The following DMD variants were observed in gnomAD, a reference collection of about 807,000 sequenced individuals.
DMD encodes dystrophin, also known as mutant dystrophin.
Under a neutral mutation model 330.1 loss-of-function variants are expected in DMD, and 63 were observed. That is an observed-to-expected ratio of 0.19 (90% CI 0.16 to 0.24). DMD has a LOEUF of 0.24. Among genes scored for constraint, DMD ranks in the 10% least tolerant of loss-of-function variants. DMD has a pLI of 1.00. For missense variants in DMD, 3,344 were observed against 2,684.1 expected (o/e 1.25, Z -5.43); for synonymous variants, 1,223 against 959.8 (o/e 1.27, Z -5.07).
At chrX:31,435,445 A>T (rs917034116) in intron 60 of DMD, 5 of 111,878 alleles carry the variant, frequency 4.5e-5, no homozygotes, top group African/African-American at 1.6e-4. Flanking sequence ...GGGAGAGGAC[A>T]ACTTATATCA....
chrX:33,142,085 T>C (rs2047824034), intron 1 of DMD, among the ~76,000 whole-genome samples: 1 of 112,180 alleles, frequency 8.9e-6, no homozygotes, highest in Admixed American at 9.5e-5. Flanking sequence ...TTAAGGCTTT[T>C]ATTTTATTTT....
intron 51 of DMD, among the ~76,000 whole-genome samples, chrX:31,767,009 T>C (rs933950303): frequency 1.8e-5 from 2 of 110,390 alleles, no homozygotes; most frequent in East Asian, 2.8e-4. Flanking sequence ...ACATCCTTCG[T>C]TGAAGATAAT....
At chrX:32,553,172 C>G (rs181389627) in intron 16 of DMD, among the ~76,000 whole-genome samples, 186 of 111,920 alleles carry the variant, frequency 1.7e-3, no homozygotes, top group Non-Finnish European at 2.8e-3. Context: ...AGCCTAAATG[C>G]CCATCAGTGG....
chrX:31,883,672 T>A (rs1484130483), intron 47 of DMD, among the ~76,000 whole-genome samples: 1 of 111,419 alleles, frequency 9.0e-6, no homozygotes, highest in Non-Finnish European at 1.9e-5. Flanking sequence ...ATAAACTGCT[T>A]TTACATAATG....
At chrX:32,663,152 T>A (rs1275125581) in intron 9 of DMD, among the ~76,000 whole-genome samples, 1 of 111,905 alleles carries the variant, frequency 8.9e-6, no homozygotes, top group East Asian at 2.8e-4. Flanking sequence ...CTTGTTTGAT[T>A]TTAGGCTTGC....
At chrX:32,453,609 G>A (rs917261860) in intron 26 of DMD, among the ~76,000 whole-genome samples, 21 of 110,108 alleles carry the variant, frequency 1.9e-4, no homozygotes, top group African/African-American at 6.9e-4. Flanking sequence ...AATGAGTCAT[G>A]GTCATTTATA....
chrX:31,167,727 C>A (rs1167892549), intron 74 of DMD, among the ~76,000 whole-genome samples: 1 of 111,790 alleles, frequency 8.9e-6, no homozygotes, highest in Non-Finnish European at 1.9e-5. Flanking sequence ...ATTAAAACAA[C>A]AAAAAAAGTT....
At chrX:31,698,702 A>AT (rs1349086930) in intron 52 of DMD, among the ~76,000 whole-genome samples, 9 of 111,623 alleles carry the variant, frequency 8.1e-5, no homozygotes, top group Non-Finnish European at 1.5e-4. Context: ...ATGAACGGGC[A>AT]TTTTTTTTCA....
rs967424034 is a variant in DMD at position 32,464,791 on chromosome X, A to G, written c.3163-92T>C. 23 of 644,396 alleles carry G rather than the reference A, an allele frequency of 3.6e-5. 1 individual carries two copies. The East Asian group carries it at 7.7e-4, about 22-fold the overall frequency. 53.1% of individuals were successfully genotyped at this position (644,396 alleles called of 1,213,427 possible). On this transcript the variant is annotated intron_variant, in intron 23 of 78. Coordinates refer to ENST00000357033, the MANE Select transcript of DMD (RefSeq NM_004006.3). ...GTTATGTCTAAACACAGGCCCAAAA[A>G]CAATTCCCATGTTTAAAGGATGTCT...
chrX:32,964,679 G>A (rs1386867081), intron 2 of DMD, among the ~76,000 whole-genome samples: 1 of 111,691 alleles, frequency 9.0e-6, no homozygotes, highest in Admixed American at 9.5e-5. Flanking sequence ...CTGCACTCCA[G>A]CCTGGGTGAC....
intron 9 of DMD, among the ~76,000 whole-genome samples, chrX:32,682,990 C>T (rs2062548116): frequency 9.0e-6 from 1 of 111,352 alleles, no homozygotes. Flanking sequence ...TCACAGTGCA[C>T]ATTGGAATGA....
intron 1 of DMD, among the ~76,000 whole-genome samples, chrX:33,074,238 C>G (rs1168691046): frequency 9.0e-6 from 1 of 111,556 alleles, no homozygotes; most frequent in Non-Finnish European, 1.9e-5. Context: ...ATCTCACTTC[C>G]GATTTCTACA....
At chrX:33,041,562 C>A in intron 1 of DMD, 3 of 1,208,705 alleles carry the variant, frequency 2.5e-6, no homozygotes, top group Non-Finnish European at 1.1e-6. Context: ...AGGCAGAGAT[C>A]CTACAAGAAT....
chrX:32,787,242 GT>G (rs2075443828), intron 7 of DMD, among the ~76,000 whole-genome samples: 1 of 95,153 alleles, frequency 1.1e-5, no homozygotes, highest in Non-Finnish European at 2.2e-5. Context: ...GTGTGTGTGT[GT>G]GTGTGAGAGA....
chrX:31,904,480 A>G (rs768073287), intron 47 of DMD, among the ~76,000 whole-genome samples: 1 of 111,969 alleles, frequency 8.9e-6, no homozygotes, highest in South Asian at 3.7e-4. Flanking sequence ...CACTTCTCCA[A>G]TTAGGCTACA....
chrX:33,002,536 C>T (rs906833073), intron 2 of DMD, among the ~76,000 whole-genome samples: 1 of 109,856 alleles, frequency 9.1e-6, no homozygotes, highest in Admixed American at 9.7e-5. Context: ...ATAGGACACT[C>T]TCCTGTGCAA....
intron 44 of DMD, among the ~76,000 whole-genome samples, chrX:32,043,172 T>C (rs140714432): frequency 1.8e-5 from 2 of 111,034 alleles, no homozygotes; most frequent in Admixed American, 1.9e-4. Flanking sequence ...ACACCTACCA[T>C]GTACTCACAA....
chrX:31,628,321 C>T (rs1051603892), intron 54 of DMD, among the ~76,000 whole-genome samples: 5 of 110,221 alleles, frequency 4.5e-5, no homozygotes, highest in African/African-American at 1.7e-4. Context: ...TGATGCTGCT[C>T]TGAGGCAGAA....
At chrX:33,072,405 T>C (rs2094773642) in intron 1 of DMD, among the ~76,000 whole-genome samples, 1 of 111,523 alleles carries the variant, frequency 9.0e-6, no homozygotes, top group African/African-American at 3.3e-5. Flanking sequence ...GCGATAAGAG[T>C]GAAACTCTGT....
Sources: allele counts gnomAD v4.1 joint callset (sites outside exome capture counted in the v4.1 genomes callset), GRCh38; gene constraint gnomAD v4.1.1; transcripts MANE v1.5; gene names NCBI Gene and HGNC (gene_info 2026-07-23, HGNC 2026-07-21).